The following GPC5 variants were observed in gnomAD, a reference collection of about 807,000 sequenced individuals.
The protein encoded by GPC5 is glypican-5.
A neutral mutation model predicts 53.9 loss-of-function variants in GPC5; 47 were observed. The ratio of observed to expected loss-of-function variants is 0.87; its 90% CI spans 0.69 to 1.11. GPC5 has a LOEUF of 1.11. Ranked by LOEUF, GPC5 falls within the 50% of genes most tolerant of loss-of-function variation. The pLI is 0.00. For missense variants in GPC5, 748 were observed against 713.1 expected (o/e 1.05, Z -0.56); for synonymous variants, 286 against 263.3 (o/e 1.09, Z -0.84).
rs1248114863 is a variant in GPC5, at chr13:91,542,024, A to ATTAATATTAATTAC, written c.325+93113_325+93114insTACTTAATATTAAT. Among the ~76,000 whole-genome samples the ATTAATATTAATTAC allele has an allele frequency of 7.2e-3, 1,077 of 150,036 alleles. 12 individuals carry two copies. The highest frequency in any genetic ancestry group is 0.024 in the African/African-American group (973 of 41,234). On this transcript the variant is annotated intron_variant, in intron 2 of 7. Coordinates refer to ENST00000377067, the MANE Select transcript of GPC5 (RefSeq NM_004466.6). ...TTTCCCATTTGAGCTCTTAATATTA[A>ATTAATATTAATTAC]TTAATATTAATAATGTATTAATATT...
chr13:92,068,148 A>G (rs1245262110), intron 6 of GPC5, among the ~76,000 whole-genome samples: 2 of 151,956 alleles, frequency 1.3e-5, no homozygotes, highest in Admixed American at 1.3e-4. Flanking sequence ...CCATTATCAC[A>G]TGTAGATTGA....
chr13:92,325,655 G>T (rs1001579424), intron 7 of GPC5, among the ~76,000 whole-genome samples: 6 of 152,002 alleles, frequency 3.9e-5, no homozygotes, highest in African/African-American at 1.4e-4. Context: ...CCACACAATG[G>T]AATACTTCTT....
At chr13:91,958,369 G>A (rs1453211767) in intron 6 of GPC5, among the ~76,000 whole-genome samples, 1 of 151,952 alleles carries the variant, frequency 6.6e-6, no homozygotes, top group East Asian at 1.9e-4. Flanking sequence ...CAAGGTCAGA[G>A]CACCCAGATA....
chr13:91,746,215 G>A (rs746821574), intron 4 of GPC5, among the ~76,000 whole-genome samples: 10 of 152,046 alleles, frequency 6.6e-5, no homozygotes, highest in Admixed American at 2.0e-4. Context: ...TAACCTTCAC[G>A]TTGCCTCAGG....
intron 7 of GPC5, among the ~76,000 whole-genome samples, chr13:92,628,267 T>TC: frequency 1.2e-5 from 1 of 80,472 alleles, no homozygotes; most frequent in African/African-American, 9.5e-5. Context: ...TTTCTTTCTT[T>TC]TTTTTTTTTT....
At chr13:91,534,022 A>G (rs1886469105) in intron 2 of GPC5, among the ~76,000 whole-genome samples, 1 of 152,040 alleles carries the variant, frequency 6.6e-6, no homozygotes, top group South Asian at 2.1e-4. Flanking sequence ...TAATAATACA[A>G]TTTTTCTTTT....
chr13:92,516,925 C>T (rs1880809760), intron 7 of GPC5, among the ~76,000 whole-genome samples: 1 of 152,110 alleles, frequency 6.6e-6, no homozygotes, highest in African/African-American at 2.4e-5. Flanking sequence ...ATTCCCTTTC[C>T]TAGCCAAGGG....
At chr13:91,399,243 G>A (rs1381968654) in intron 1 of GPC5, 34 bp downstream of exon 1, 5 of 1,599,030 alleles carry the variant, frequency 3.1e-6, no homozygotes, top group Non-Finnish European at 4.3e-6. Context: ...TGGACTGGCG[G>A]CGTCCGAGCC....
intron 7 of GPC5, among the ~76,000 whole-genome samples, chr13:92,494,089 TGTTTTGTTTTG>T (rs1435879479): frequency 1.4e-4 from 10 of 73,940 alleles, no homozygotes; most frequent in Non-Finnish European, 2.8e-4. Flanking sequence ...TGTTTTGTTT[TGTTTTGTTTTG>T]TTTTTTTGAG....
intron 7 of GPC5, among the ~76,000 whole-genome samples, chr13:92,305,083 T>A (rs919049755): frequency 6.6e-6 from 1 of 152,186 alleles, no homozygotes; most frequent in African/African-American, 2.4e-5. Flanking sequence ...GATGTAATTA[T>A]CAGAATAACA....
At chr13:92,710,728 G>T (rs1362601999) in intron 7 of GPC5, among the ~76,000 whole-genome samples, 1 of 152,152 alleles carries the variant, frequency 6.6e-6, no homozygotes, top group Non-Finnish European at 1.5e-5. Flanking sequence ...AGTTATATAG[G>T]TTTTAATGAG....
intron 7 of GPC5, among the ~76,000 whole-genome samples, chr13:92,263,607 C>T (rs1006488492): frequency 2.0e-5 from 3 of 152,086 alleles, no homozygotes; most frequent in African/African-American, 7.2e-5. Context: ...GGGAACTGAG[C>T]TTCAGAGTCA....
At chr13:92,746,315 A>G (rs1566397930) in intron 7 of GPC5, among the ~76,000 whole-genome samples, 1 of 152,134 alleles carries the variant, frequency 6.6e-6, no homozygotes, top group Non-Finnish European at 1.5e-5. Context: ...TTCAAAATAT[A>G]TCTTGTTCAC....
rs146211161 is a variant in GPC5 at position 91,776,545 on chromosome 13, G to A, written c.1280+20125G>A. Among the ~76,000 whole-genome samples the A allele has an allele frequency of 5.4e-3, 822 of 152,148 alleles. 2 individuals are homozygous for A. The highest frequency in any genetic ancestry group is 0.014 in the Middle Eastern group (4 of 294). On this transcript the variant is annotated intron_variant, in intron 5 of 7. Coordinates refer to ENST00000377067, the MANE Select transcript of GPC5 (RefSeq NM_004466.6). The stretch of plus-strand genomic sequence containing the variant: ...GGTGTCATTATTGTCGCTATTTCCA[G>A]AAATAAAAAACTAAAGATTGGAGAC...
intron 2 of GPC5, among the ~76,000 whole-genome samples, chr13:91,477,377 C>T (rs1882992183): frequency 6.6e-6 from 1 of 151,872 alleles, no homozygotes; most frequent in Admixed American, 6.6e-5. Context: ...TCCAAGATGC[C>T]CCTTGGGTTT....
chr13:91,981,515 T>A (rs1240271879), intron 6 of GPC5, among the ~76,000 whole-genome samples: 1 of 152,174 alleles, frequency 6.6e-6, no homozygotes, highest in South Asian at 2.1e-4. Flanking sequence ...GGTCTCGATC[T>A]CCTGACCTCG....
chr13:91,497,683 C>T (rs1329021788), intron 2 of GPC5, among the ~76,000 whole-genome samples: 1 of 152,112 alleles, frequency 6.6e-6, no homozygotes, highest in Non-Finnish European at 1.5e-5. Context: ...GAATGTTGCC[C>T]TCTAAGGAAG....
At chr13:92,681,108 A>G (rs567328666) in intron 7 of GPC5, among the ~76,000 whole-genome samples, 20 of 152,016 alleles carry the variant, frequency 1.3e-4, no homozygotes, top group African/African-American at 3.9e-4. Flanking sequence ...CTCTGTATCT[A>G]GTAGCATTTA....
At position 91,588,632 on chromosome 13, in the gene GPC5, A is replaced by C. The variant is rs9589303; in HGVS notation, c.326-104555A>C. Among the ~76,000 whole-genome samples, 423 of 152,240 alleles carry C rather than the reference A, an allele frequency of 2.8e-3. 3 individuals carry two copies. The highest frequency in any genetic ancestry group is 9.8e-3 in the African/African-American group (406 of 41,572). ...AAATTGATTTCATACATCTTCACCTATCCTTTCTTCCTGCCATTCATCTCT... is the reference window on the plus strand; with the variant it reads ...AAATTGATTTCATACATCTTCACCTCTCCTTTCTTCCTGCCATTCATCTCT... On this transcript the variant is annotated intron_variant, in intron 2 of 7. Coordinates refer to ENST00000377067, the MANE Select transcript of GPC5 (RefSeq NM_004466.6).
Sources: gnomAD v4.1 joint callset for allele counts (sites outside exome capture counted in the v4.1 genomes callset) on GRCh38, gnomAD v4.1.1 for gene constraint, MANE v1.5 for transcripts, NCBI Gene and HGNC (gene_info 2026-07-23, HGNC 2026-07-21) for gene names.